Variants in NAT10 observed in about 807,000 individuals in gnomAD.
NAT10 encodes the protein N-acetyltransferase 10, also known as RNA cytidine acetyltransferase.
In NAT10, 109 loss-of-function variants were observed where a neutral mutation model predicts 132.2. The ratio of observed to expected loss-of-function variants is 0.82; its 90% CI spans 0.71 to 0.97. NAT10 has a LOEUF of 0.97. Among genes scored for constraint, NAT10 ranks in the 50% least tolerant of loss-of-function variants. NAT10 has a pLI of 0.00. For missense variants in NAT10, 1,184 were observed against 1,263.4 expected (o/e 0.94, Z 0.95); for synonymous variants, 479 against 478.0 (o/e 1.00, Z -0.03).
chr11:34,124,210 A>G, intron 10 of NAT10, 92 bp from the exon 11 acceptor site: 1 of 828,682 alleles, frequency 1.2e-6, no homozygotes, highest in Non-Finnish European at 1.9e-6. Context: ...GTTTAAATCC[A>G]AGTGAAGTCT....
In NAT10 at chr11:34,136,789, C is replaced by T. The variant is rs751330626; in HGVS notation, c.2162+14C>T. 4 of 1,614,012 alleles carry T rather than the reference C, an allele frequency of 2.5e-6. No individual in the cohort carries two copies. The African/African-American group carries it at 4.0e-5, about 16-fold the overall frequency. On this transcript the variant is annotated intron_variant, in intron 20 of 28. Coordinates refer to ENST00000257829, the MANE Select transcript of NAT10 (RefSeq NM_024662.3). ...CAGGCTCCTCAAGTAAGTGCCTGCC[C>T]TCCTTCCACGGCATCACTCCTTGGC...
chr11:34,108,892 G>A (rs1170213975), intron 3 of NAT10, 59 bp downstream of exon 3: 1 of 1,447,762 alleles, frequency 6.9e-7, no homozygotes, highest in Non-Finnish European at 9.5e-7. Context: ...TTAGTTAAAT[G>A]CCAGGAAATG....
intron 24 of NAT10, 102 bp downstream of exon 24, chr11:34,140,674 T>C: frequency 7.6e-7 from 1 of 1,316,266 alleles, no homozygotes; most frequent in East Asian, 2.5e-5. Flanking sequence ...GTGCCTTTAA[T>C]TCCTCATACA....
At position 34,108,216 on chromosome 11, in the gene NAT10, A is replaced by C. The variant is rs182044669; in HGVS notation, c.-10A>C. ...TGTATTTCTTTCTCTTTTAGTAATA[A>C]TTTTTCACCATGCATCGGAAAAAGG... On this transcript the variant is annotated 5_prime_UTR_variant, in exon 2 of 29. Coordinates refer to ENST00000257829, the MANE Select transcript of NAT10 (RefSeq NM_024662.3). 1.2e-6 allele frequency: 2 copies of C among 1,607,470 alleles called. No individual in the cohort carries two copies. The highest frequency in any genetic ancestry group is 4.5e-5 in the East Asian group (2 of 44,876).
At chr11:34,109,259 G>T (rs934531922) in intron 3 of NAT10, among the ~76,000 whole-genome samples, 27 of 152,128 alleles carry the variant, frequency 1.8e-4, no homozygotes, top group African/African-American at 6.3e-4. Context: ...TTCAGGACCT[G>T]TATTGTCTTT....
At chr11:34,143,579 C>G (rs778974833) in intron 28 of NAT10, 51 bp downstream of exon 28, 9 of 1,508,468 alleles carry the variant, frequency 6.0e-6, no homozygotes, top group Middle Eastern at 1.8e-4. Flanking sequence ...ATTCTGGCCT[C>G]TCTGCTTCTC....
At chr11:34,136,083 C>T (rs2132973757) in intron 19 of NAT10, among the ~76,000 whole-genome samples, 1 of 149,840 alleles carries the variant, frequency 6.7e-6, no homozygotes, top group African/African-American at 2.4e-5. Flanking sequence ...ATCTGTTGGG[C>T]ATTTTTTTTT....
intron 12 of NAT10, among the ~76,000 whole-genome samples, chr11:34,128,448 A>G (rs192356911): frequency 5.9e-5 from 9 of 152,144 alleles, no homozygotes; most frequent in Admixed American, 2.0e-4. Flanking sequence ...TTTTCTCTGC[A>G]TTTATTTTAC....
intron 3 of NAT10, among the ~76,000 whole-genome samples, chr11:34,111,450 A>G (rs182837564): frequency 6.6e-6 from 1 of 152,356 alleles, no homozygotes; most frequent in Admixed American, 6.5e-5. Flanking sequence ...TTGGTAAAGG[A>G]AAGGTAAGTA....
chr11:34,145,756 T>C (rs966372605), intron 28 of NAT10, among the ~76,000 whole-genome samples: 1 of 152,146 alleles, frequency 6.6e-6, no homozygotes, highest in Non-Finnish European at 1.5e-5. Flanking sequence ...GGAATCCTTG[T>C]GGTGCCTTAG....
chr11:34,115,559 C>G (rs908330087), intron 5 of NAT10, among the ~76,000 whole-genome samples: 1 of 152,252 alleles, frequency 6.6e-6, no homozygotes, highest in Non-Finnish European at 1.5e-5. Context: ...ATCTGGCACA[C>G]AGCATGCCAA....
At position 34,118,162 on chromosome 11, in the gene NAT10, A is replaced by G. The variant is rs752104636; in HGVS notation, c.558-18A>G. On this transcript the variant is annotated intron_variant, in intron 6 of 28. Transcript: ENST00000257829. ...CATGCCCTCCCCAACACTTCATTGC[A>G]GCGGTTTTGTATCTCAGGTTTATTC... The G allele has an allele frequency of 8.2e-6, 13 of 1,588,702 alleles. No homozygotes were observed. The highest frequency in any genetic ancestry group is 2.2e-5 in the South Asian group (2 of 90,564).
chr11:34,110,248 G>A (rs116967665), intron 3 of NAT10, among the ~76,000 whole-genome samples: 1,798 of 152,048 alleles, frequency 0.012, 21 homozygotes, highest in Non-Finnish European at 0.019. Context: ...GCTCATCTCC[G>A]ATCTGACTCT....
At chr11:34,133,510 AT>A (rs1162814846) in intron 16 of NAT10, among the ~76,000 whole-genome samples, 1 of 152,330 alleles carries the variant, frequency 6.6e-6, no homozygotes, top group African/African-American at 2.4e-5. Flanking sequence ...GCATGGATGT[AT>A]TTATGCATTT....
intron 10 of NAT10, 50 bp downstream of exon 10, chr11:34,123,905 C>T (rs1286436486): frequency 4.2e-6 from 6 of 1,438,108 alleles, no homozygotes; most frequent in Non-Finnish European, 5.9e-6. Context: ...TGTGGTGGCT[C>T]ACGCCTGTAA....
intron 11 of NAT10, among the ~76,000 whole-genome samples, chr11:34,125,871 GGAGAATTGGTTGAACCC>G (rs1386696534): frequency 6.6e-6 from 1 of 152,202 alleles, no homozygotes; most frequent in African/African-American, 2.4e-5. Flanking sequence ...GGCCGAGGCA[GGAGAATTGGTTGAACCC>G]GAGAATTGGT....
chr11:34,135,065 T>C (rs969020449), intron 18 of NAT10, 110 bp from the exon 19 acceptor site: 1 of 795,928 alleles, frequency 1.3e-6, no homozygotes, highest in Non-Finnish European at 2.1e-6. Flanking sequence ...TGCCCCGTGC[T>C]GTTTGACAGG....
At chr11:34,124,992 C>T (rs184015396) in intron 11 of NAT10, among the ~76,000 whole-genome samples, 1 of 152,280 alleles carries the variant, frequency 6.6e-6, no homozygotes, top group East Asian at 1.9e-4. Context: ...TGGGCTCTTA[C>T]TGGAGGAGGT....
At chr11:34,136,529 A>G in intron 19 of NAT10, 113 bp from the exon 20 acceptor site, 1 of 1,301,204 alleles carries the variant, frequency 7.7e-7, no homozygotes. Context: ...TAAACCAAGA[A>G]ACCTCTCCCA....
Sources: allele counts gnomAD v4.1 joint callset (sites outside exome capture counted in the v4.1 genomes callset), GRCh38; gene constraint gnomAD v4.1.1; transcripts MANE v1.5; gene names NCBI Gene and HGNC (gene_info 2026-07-23, HGNC 2026-07-21).